MED12L: variants seen among roughly 807,000 people sequenced by gnomAD.
The protein encoded by MED12L is mediator of RNA polymerase II transcription subunit 12-like protein.
A neutral mutation model predicts 281.3 loss-of-function variants in MED12L; 60 were observed. That is an observed-to-expected ratio of 0.21 (90% confidence interval 0.17 to 0.26). The LOEUF (loss-of-function observed/expected upper bound fraction) is 0.26, where lower values mean the gene tolerates loss of function less well. Among genes scored for constraint, MED12L ranks in the 10% least tolerant of loss-of-function variants. The probability of loss-of-function intolerance (pLI) is 1.00; values close to 1 mark genes in which losing one functional copy is unlikely to be tolerated. For synonymous variants in MED12L, 974 were observed against 987.2 expected, an observed-to-expected ratio of 0.99 and a Z score of 0.25; for missense variants, 2,146 against 2,680.9, an observed-to-expected ratio of 0.80 and a Z score of 4.41.
chr3:151,298,142 A>G (rs1420166585), intron 16 of MED12L, among the ~76,000 whole-genome samples: 1 of 152,136 alleles, frequency 6.6e-6, no homozygotes, highest in Non-Finnish European at 1.5e-5. Flanking sequence ...TTTGCCAGCT[A>G]ATGCCCATCA....
At chr3:151,261,031 G>C (rs1258123487) in intron 16 of MED12L, among the ~76,000 whole-genome samples, 1 of 152,102 alleles carries the variant, frequency 6.6e-6, no homozygotes, top group African/African-American at 2.4e-5. Flanking sequence ...GAGGATCCCT[G>C]TGTGTTTAAC....
chr3:151,413,116 CA>C (rs1377826264), intron 41 of MED12L, 22 bp from the exon 42 acceptor site: 6 of 1,601,196 alleles, frequency 3.7e-6, no homozygotes, highest in Non-Finnish European at 5.1e-6. Context: ...GGGCCTGAAC[CA>C]AGTTGCATTA....
chr3:151,392,076 A>C (rs1245352402), intron 38 of MED12L, among the ~76,000 whole-genome samples: 1 of 152,240 alleles, frequency 6.6e-6, no homozygotes, highest in Non-Finnish European at 1.5e-5. Context: ...ATTGAAAGCT[A>C]ACTACTTTGT....
At chr3:151,316,529 T>C (rs1380700372) in intron 16 of MED12L, 2 of 152,246 alleles carry the variant, frequency 1.3e-5, no homozygotes, top group African/African-American at 4.8e-5. Context: ...CAGTTTTTAA[T>C]CATTGCTGTG....
At chr3:151,099,634 G>C (rs1370589062) in intron 2 of MED12L, among the ~76,000 whole-genome samples, 1 of 152,180 alleles carries the variant, frequency 6.6e-6, no homozygotes, top group East Asian at 1.9e-4. Flanking sequence ...CAGACAAATA[G>C]TTAAAATGTT....
At chr3:151,115,385 G>A (rs1412192980) in intron 2 of MED12L, among the ~76,000 whole-genome samples, 4 of 115,266 alleles carry the variant, frequency 3.5e-5, no homozygotes, top group Non-Finnish European at 6.6e-5. Context: ...GTCTCACTCT[G>A]TCACCCAGGC....
chr3:151,200,369 C>G (rs1016602722), intron 16 of MED12L, among the ~76,000 whole-genome samples: 2 of 152,126 alleles, frequency 1.3e-5, no homozygotes, highest in Admixed American at 6.5e-5. Flanking sequence ...CCCCCTTTTG[C>G]ACATTAAACA....
intron 16 of MED12L, among the ~76,000 whole-genome samples, chr3:151,262,981 A>G (rs1468732388): frequency 1.3e-5 from 2 of 152,172 alleles, no homozygotes; most frequent in South Asian, 2.1e-4. Flanking sequence ...TCTCTAGGGC[A>G]TCTTAACATG....
At chr3:151,197,833 A>G (rs578096420) in intron 16 of MED12L, 6 of 152,766 alleles carry the variant, frequency 3.9e-5, no homozygotes, top group South Asian at 2.1e-4. Flanking sequence ...AAGATTGTCT[A>G]TATTTTTCAA....
chr3:151,086,186 C>G (rs1263183944), intron 1 of MED12L, among the ~76,000 whole-genome samples: 1 of 152,172 alleles, frequency 6.6e-6, no homozygotes, highest in East Asian at 1.9e-4. Flanking sequence ...CCGGAGCCGC[C>G]GAGGGGACCG....
At chr3:151,183,815 G>A (rs1479598666) in intron 11 of MED12L, among the ~76,000 whole-genome samples, 1 of 152,080 alleles carries the variant, frequency 6.6e-6, no homozygotes, top group Non-Finnish European at 1.5e-5. Context: ...TCCTGAAGAT[G>A]CAGGAGAAAA....
chr3:151,131,043 T>A (rs1715314549), intron 5 of MED12L, among the ~76,000 whole-genome samples: 1 of 152,184 alleles, frequency 6.6e-6, no homozygotes, highest in African/African-American at 2.4e-5. Context: ...GTGTGTGATG[T>A]GATTACATAT....
At chr3:151,134,239 C>T (rs185571939) in intron 5 of MED12L, among the ~76,000 whole-genome samples, 8 of 148,186 alleles carry the variant, frequency 5.4e-5, no homozygotes, top group Admixed American at 2.7e-4. Context: ...CTCACCAGGT[C>T]TATTGGCTCT....
chr3:151,313,519 T>C (rs1383978129), intron 16 of MED12L, among the ~76,000 whole-genome samples: 1 of 150,580 alleles, frequency 6.6e-6, no homozygotes, highest in Non-Finnish European at 1.5e-5. Context: ...TAATAGTAAT[T>C]TATACCTTAA....
At chr3:151,359,458 T>G (rs1300199702) in intron 20 of MED12L, among the ~76,000 whole-genome samples, 2 of 152,140 alleles carry the variant, frequency 1.3e-5, no homozygotes, top group Non-Finnish European at 2.9e-5. Context: ...GTCTCCTTGG[T>G]TCCACCTATG....
intron 16 of MED12L, among the ~76,000 whole-genome samples, chr3:151,272,302 T>C (rs1741098279): frequency 6.6e-6 from 1 of 152,190 alleles, no homozygotes; most frequent in South Asian, 2.1e-4. Context: ...GAGGTCAAGA[T>C]AAAAATAAAA....
chr3:151,417,484 C>T (rs533012830), intron 43 of MED12L, among the ~76,000 whole-genome samples: 21 of 87,522 alleles, frequency 2.4e-4, no homozygotes, highest in African/African-American at 4.5e-4. Flanking sequence ...GCTCCCCCCC[C>T]GCCTTTTTTT....
At chr3:151,130,901 C>T (rs1715295718) in intron 5 of MED12L, among the ~76,000 whole-genome samples, 1 of 152,310 alleles carries the variant, frequency 6.6e-6, no homozygotes, top group Non-Finnish European at 1.5e-5. Flanking sequence ...ACAACACAGG[C>T]TCCATGAAGG....
At chr3:151,288,396 ATAGC>A (rs1743833000) in intron 16 of MED12L, among the ~76,000 whole-genome samples, 1 of 152,236 alleles carries the variant, frequency 6.6e-6, no homozygotes, top group South Asian at 2.1e-4. Flanking sequence ...TTCCAAGTAT[ATAGC>A]TACTGTCTAC....
Sources: gnomAD v4.1 joint callset for allele counts (sites outside exome capture counted in the v4.1 genomes callset) on GRCh38, gnomAD v4.1.1 for gene constraint, MANE v1.5 for transcripts, NCBI Gene and HGNC (gene_info 2026-07-23, HGNC 2026-07-21) for gene names.